Variants in NIN observed in about 807,000 individuals in gnomAD.
NIN encodes the protein glycogen synthase kinase 3 beta-interacting protein.
A neutral mutation model predicts 257.6 loss-of-function variants in NIN; 137 were observed. That is an observed-to-expected ratio of 0.53 (90% CI 0.46 to 0.61). The LOEUF is 0.61. Among genes scored for constraint, NIN ranks in the 20% least tolerant of loss-of-function variants. The probability of loss-of-function intolerance (pLI) is 0.00; values close to 1 mark genes in which losing one functional copy is unlikely to be tolerated. For synonymous variants in NIN, 918 were observed against 919.8 expected, an observed-to-expected ratio of 1.00 and a Z score of 0.04; for missense variants, 2,439 against 2,501.2, an observed-to-expected ratio of 0.98 and a Z score of 0.53.
intron 15 of NIN, among the ~76,000 whole-genome samples, chr14:50,763,425 G>A (rs2042348639): frequency 1.3e-5 from 2 of 152,166 alleles, no homozygotes; most frequent in African/African-American, 4.8e-5. Flanking sequence ...GTAGTATCTG[G>A]CTGGCCTGCT....
intron 22 of NIN, among the ~76,000 whole-genome samples, chr14:50,746,156 T>G (rs2041528635): frequency 6.6e-6 from 1 of 152,090 alleles, no homozygotes; most frequent in African/African-American, 2.4e-5. Flanking sequence ...AGCACACATT[T>G]CCCATACTAT....
intron 28 of NIN, among the ~76,000 whole-genome samples, chr14:50,733,779 A>AAGCATGTCT (rs2040836067): frequency 6.6e-6 from 1 of 152,218 alleles, no homozygotes; most frequent in Admixed American, 6.5e-5. Flanking sequence ...TTCATCAGAA[A>AAGCATGTCT]AGCATGTCTA....
chr14:50,757,210 C>G lies in NIN; in HGVS notation c.3820G>C (p.Asp1274His), dbSNP rs1325826380. The change falls in exon 18 of 31, where the codon GAT (aspartate) becomes CAT (histidine). Residue 1274 changes from aspartate to histidine, a missense_variant. By Grantham distance (81) the Asp-to-His change is moderately conservative. Coordinates refer to ENST00000530997, the MANE Select transcript of NIN (RefSeq NM_020921.4). ...TCTTTGTTATTTTCTAGTGCCTCATCGTAGCGTGTCTCCATCATTCTCAGC... is the reference window on the plus strand; with the variant it reads ...TCTTTGTTATTTTCTAGTGCCTCATGGTAGCGTGTCTCCATCATTCTCAGC... ...EELRMMETRY[D>H]EALENNKELT... 3 of 1,613,944 alleles carry G rather than the reference C, an allele frequency of 1.9e-6. No homozygotes were observed. In the Admixed American group the frequency reaches 5.0e-5, roughly 27 times the overall value.
intron 28 of NIN, among the ~76,000 whole-genome samples, 158 bp from the exon 29 acceptor site, chr14:50,729,881 C>T (rs1421527516): frequency 6.6e-6 from 1 of 152,202 alleles, no homozygotes; most frequent in Admixed American, 6.5e-5. Context: ...CCGAGGAATA[C>T]AGAAATGAGA....
chr14:50,782,607 A>G (rs2141926390), intron 5 of NIN, among the ~76,000 whole-genome samples: 1 of 152,350 alleles, frequency 6.6e-6, no homozygotes, highest in South Asian at 2.1e-4. Context: ...TATTGGTTGA[A>G]GGACTATGGG....
At chr14:50,770,266 C>G in intron 12 of NIN, 122 bp downstream of exon 12, 1 of 983,984 alleles carries the variant, frequency 1.0e-6, no homozygotes, top group Middle Eastern at 3.3e-4. Context: ...GAAGACCCAG[C>G]TGGGCAAACT....
At chr14:50,779,715 G>A (rs1439809077) in intron 5 of NIN, among the ~76,000 whole-genome samples, 2 of 150,820 alleles carry the variant, frequency 1.3e-5, no homozygotes, top group African/African-American at 2.4e-5. Context: ...CCGAGATCGC[G>A]CCACTGCACT....
intron 21 of NIN, among the ~76,000 whole-genome samples, chr14:50,750,412 ACTT>A (rs150711459): frequency 0.022 from 3,413 of 152,260 alleles, 129 homozygotes; most frequent in African/African-American, 0.078. Flanking sequence ...CCCACTTGCA[ACTT>A]CTTCTCCAAC....
chr14:50,815,090 T>C (rs563363699), intron 3 of NIN, among the ~76,000 whole-genome samples: 3 of 152,256 alleles, frequency 2.0e-5, no homozygotes, highest in African/African-American at 7.2e-5. Flanking sequence ...AATCTATCAT[T>C]AGAGTGAACA....
Position 50,738,148 on chromosome 14 carries a change from T to C in NIN, c.5767A>G (p.Asn1923Asp), listed in dbSNP as rs773769945. The C allele has an allele frequency of 6.2e-7, 1 of 1,614,078 alleles. No homozygotes were observed. Among genetic ancestry groups the C allele is most frequent in the Non-Finnish European group, 8.5e-7 (1 of 1,179,990 alleles). ...DQFQKEQSPANRKVSQMNSLE... is the reference protein window; with the variant it reads ...DQFQKEQSPADRKVSQMNSLE... Reference sequence around the variant, plus strand: ...TATTCTCAAAAACTCACCTTCCTGTTAGCAGGAGATTGTTCTTTCTGAAAC... The same window carrying C: ...TATTCTCAAAAACTCACCTTCCTGTCAGCAGGAGATTGTTCTTTCTGAAAC... The change falls in exon 27 of 31, where the codon AAC becomes GAC. Residue 1923 changes from asparagine (N) to aspartate (D), a missense_variant. Around this residue, in one of 3 missense-constraint regions of NIN, gnomAD observed 2,043 missense variants for 2,050.2 expected, o/e 1.00. Coordinates refer to ENST00000530997, the MANE Select transcript of NIN (RefSeq NM_020921.4).
chr14:50,825,857 C>T (rs1260444801), intron 2 of NIN, among the ~76,000 whole-genome samples: 1 of 152,228 alleles, frequency 6.6e-6, no homozygotes, highest in Non-Finnish European at 1.5e-5. Context: ...GAGTTCCTTC[C>T]TTCCTACCTC....
chr14:50,752,158 G>GTT (rs4027697), intron 21 of NIN, among the ~76,000 whole-genome samples: 39,131 of 148,516 alleles, frequency 0.26, 6,738 homozygotes, highest in African/African-American at 0.49. Flanking sequence ...TATTTGTATA[G>GTT]TTTTTTTTTT....
In NIN at chr14:50,767,666, A is replaced by T. The variant is rs565226911; in HGVS notation, c.1435-776T>A. ...CCCCGTCTCTACTAAAAATACAAAA[A>T]ATTAGCCAGGTGTGGTGGCGGGCGC... is the stretch of plus-strand genomic sequence containing the variant. On this transcript the variant is annotated intron_variant, in intron 12 of 30. Coordinates refer to ENST00000530997, the MANE Select transcript of NIN (RefSeq NM_020921.4). 3.9e-5 allele frequency among the ~76,000 whole-genome samples: 6 copies of T among 152,062 alleles called. No homozygotes were observed. The East Asian group carries it at 9.7e-4, about 25-fold the overall frequency.
chr14:50,764,247 C>T (rs1013948748), intron 14 of NIN, among the ~76,000 whole-genome samples: 1 of 152,044 alleles, frequency 6.6e-6, no homozygotes, highest in Non-Finnish European at 1.5e-5. Flanking sequence ...CTAATACATA[C>T]ATGTAAAAGA....
chr14:50,795,741 G>C (rs932802738), intron 4 of NIN, among the ~76,000 whole-genome samples: 8 of 152,218 alleles, frequency 5.3e-5, no homozygotes, highest in African/African-American at 1.9e-4. Context: ...TTCCACAGGT[G>C]AGAGTATCTG....
rs765570399 is a variant in NIN, at chr14:50,723,575, T to G, written c.6290A>C (p.Lys2097Thr). The change falls in exon 31 of 31, where the codon AAA becomes ACA. Residue 2097 changes from lysine (K) to threonine (T), a missense_variant. This residue lies in a region of NIN where 2,043 missense variants were observed against 2,050.2 expected (regional missense o/e 1.00). Transcript: ENST00000530997. Reference sequence around the variant, plus strand: ...GAGGTAATTTTTCTTCTCTGCTGTTTTCTGTCGCTGTTCAGTCACTTCCAG... The same window carrying G: ...GAGGTAATTTTTCTTCTCTGCTGTTGTCTGTCGCTGTTCAGTCACTTCCAG... Reference protein sequence around the residue: ...KALEVTEQRQKTAEKKNYLLE... With the variant: ...KALEVTEQRQTTAEKKNYLLE... 13 of 1,613,856 alleles carry G rather than the reference T, an allele frequency of 8.1e-6. No homozygotes were observed. The South Asian group carries it at 1.4e-4, about 18-fold the overall frequency.
Position 50,778,745 on chromosome 14 carries a change from C to G in NIN, c.475+20G>C. The G allele has an allele frequency of 6.2e-7, 1 of 1,613,548 alleles. No homozygotes were observed. The highest frequency in any genetic ancestry group is 1.1e-5 in the South Asian group (1 of 91,066). On this transcript the variant is annotated intron_variant, in intron 6 of 30. Coordinates refer to ENST00000530997, the MANE Select transcript of NIN (RefSeq NM_020921.4). ...GCGGCCCTTCCCTTCCAGGCACGTC[C>G]TGACACACTCGGCTCTTACCTTCCG... is the stretch of plus-strand genomic sequence containing the variant.
At position 50,792,757 on chromosome 14, in the gene NIN, A is replaced by G; in HGVS notation, c.390T>C (p.Asp130=). The stretch of plus-strand genomic sequence containing the variant: ...GGATGTGTGAAGGCCGCGCTTCTTC[A>G]TCCAGTGGCTCAATCACCGTCACTT... ...FPEVTVIEPL[D]EEARPSHIPA... The change falls in exon 5 of 31, where the codon GAT becomes GAC. Residue 130 remains aspartate (D), a synonymous_variant. Transcript: ENST00000530997. The G allele has an allele frequency of 6.2e-7, 1 of 1,614,158 alleles. No homozygotes were observed. The highest frequency in any genetic ancestry group is 8.5e-7 in the Non-Finnish European group (1 of 1,180,044).
At chr14:50,738,039 C>T in intron 27 of NIN, 101 bp downstream of exon 27, 1 of 1,166,896 alleles carries the variant, frequency 8.6e-7, no homozygotes, top group East Asian at 2.4e-5. Context: ...CAAAATATGC[C>T]ATCGTAATCA....
Sources: allele counts gnomAD v4.1 joint callset (sites outside exome capture counted in the v4.1 genomes callset), GRCh38; gene constraint gnomAD v4.1.1; regional missense constraint gnomAD v4.1.1; transcripts MANE v1.5; gene names NCBI Gene and HGNC (gene_info 2026-07-23, HGNC 2026-07-21).